CEMIP: variants seen among roughly 807,000 people sequenced by gnomAD.
CEMIP encodes the protein cell migration-inducing and hyaluronan-binding protein.
Under a neutral mutation model 156.9 loss-of-function variants are expected in CEMIP, and 105 were observed. That is an observed-to-expected ratio of 0.67 (90% CI 0.57 to 0.79). The LOEUF (loss-of-function observed/expected upper bound fraction) is 0.79. Among genes scored for constraint, CEMIP ranks in the 30% least tolerant of loss-of-function variants. The pLI is 0.00. For synonymous variants in CEMIP, 676 were observed against 668.4 expected, an observed-to-expected ratio of 1.01 and a Z score of -0.17; for missense variants, 1,457 against 1,769.4, an observed-to-expected ratio of 0.82 and a Z score of 3.17.
intron 12 of CEMIP, among the ~76,000 whole-genome samples, chr15:80,904,291 C>T (rs1217295846): frequency 6.6e-6 from 1 of 152,126 alleles, no homozygotes; most frequent in Non-Finnish European, 1.5e-5. Flanking sequence ...TTTGGGATCC[C>T]CAGGCAGGAG....
rs796334518 is a variant in CEMIP, at chr15:80,940,769, C to A, written c.3408-1080C>A. On this transcript the variant is annotated intron_variant, in intron 25 of 29. Coordinates refer to ENST00000394685, the MANE Select transcript of CEMIP (RefSeq NM_001293298.2). ...TCATGGGCTCAGGTGCTGACAGCAA[C>A]CAAGACAGCAGGGAGGAGGTAGCCT... Among the ~76,000 whole-genome samples, 40 of 152,296 alleles carry A rather than the reference C, an allele frequency of 2.6e-4. 1 individual carries two copies. Among genetic ancestry groups the A allele is most frequent in the African/African-American group, 9.6e-4 (40 of 41,558 alleles).
At chr15:80,854,642 C>T (rs1567070461) in intron 1 of CEMIP, among the ~76,000 whole-genome samples, 1 of 152,188 alleles carries the variant, frequency 6.6e-6, no homozygotes, top group African/African-American at 2.4e-5. Flanking sequence ...CGGGTGCTTT[C>T]CTAAGCATTT....
At chr15:80,915,495 C>T (rs928317719) in intron 14 of CEMIP, among the ~76,000 whole-genome samples, 3 of 152,176 alleles carry the variant, frequency 2.0e-5, no homozygotes, top group African/African-American at 7.2e-5. Flanking sequence ...ATATGAAACC[C>T]AGACTCTTGT....
rs528271393 is a variant in CEMIP, at chr15:80,806,715, A to G, written c.-176+27101A>G. Among the ~76,000 whole-genome samples, 160 of 152,344 alleles carry G rather than the reference A, an allele frequency of 1.1e-3. 1 individual carries two copies. Among genetic ancestry groups the G allele is most frequent in the African/African-American group, 3.8e-3 (158 of 41,586 alleles). Reference sequence around the variant, plus strand: ...CTAGATTATAAGCTCCAGAAGAAAAATAATCTCTAACCTTTGGAGTTATGC... The same window carrying G: ...CTAGATTATAAGCTCCAGAAGAAAAGTAATCTCTAACCTTTGGAGTTATGC... On this transcript the variant is annotated intron_variant, in intron 1 of 29. Coordinates refer to ENST00000394685, the MANE Select transcript of CEMIP (RefSeq NM_001293298.2).
chr15:80,834,040 G>T (rs919955203), intron 1 of CEMIP, among the ~76,000 whole-genome samples: 1 of 152,154 alleles, frequency 6.6e-6, no homozygotes, highest in Non-Finnish European at 1.5e-5. Flanking sequence ...GCATTGTAGG[G>T]TGTTTAGTGG....
At chr15:80,851,323 A>C (rs1897710195) in intron 1 of CEMIP, among the ~76,000 whole-genome samples, 1 of 152,236 alleles carries the variant, frequency 6.6e-6, no homozygotes, top group Admixed American at 6.5e-5. Context: ...GGTTCTTTTT[A>C]GAGTTAACGT....
chr15:80,897,514 C>T (rs1312314880), intron 12 of CEMIP, among the ~76,000 whole-genome samples: 15 of 152,066 alleles, frequency 9.9e-5, no homozygotes, highest in Admixed American at 8.5e-4. Context: ...AGAAGGCTTA[C>T]GTGTTTTGGA....
intron 1 of CEMIP, among the ~76,000 whole-genome samples, chr15:80,869,822 T>A (rs1036793723): frequency 2.6e-5 from 4 of 152,214 alleles, no homozygotes; most frequent in African/African-American, 9.6e-5. Context: ...AGTAGTATTA[T>A]TATTCCCATG....
At chr15:80,843,429 C>T (rs1897473940) in intron 1 of CEMIP, among the ~76,000 whole-genome samples, 1 of 152,242 alleles carries the variant, frequency 6.6e-6, no homozygotes, top group Non-Finnish European at 1.5e-5. Context: ...ACTGCGCACA[C>T]TGCCTCTGCT....
At chr15:80,853,734 C>T (rs924769067) in intron 1 of CEMIP, among the ~76,000 whole-genome samples, 3 of 152,158 alleles carry the variant, frequency 2.0e-5, no homozygotes, top group Non-Finnish European at 4.4e-5. Flanking sequence ...AACCCCACTT[C>T]CCAGACTTAA....
Position 80,937,797 on chromosome 15 carries a change from C to T in CEMIP, c.3225C>T (p.Gly1075=). ...CTGACTCTACTTCCAATCCTAGGGG[C>T]GACTGGATCCGAGTGGGGCTCTGCT... ...LAIWLINFNK[G]DWIRVGLCYP... Residue 1075 remains glycine, a synonymous_variant, in exon 25 of 30, where the codon GGC becomes GGT. Coordinates refer to ENST00000394685, the MANE Select transcript of CEMIP (RefSeq NM_001293298.2). 2 of 1,614,100 alleles carry T rather than the reference C, an allele frequency of 1.2e-6. No homozygotes were observed. Among genetic ancestry groups the T allele is most frequent in the African/African-American group, 1.3e-5 (1 of 75,058 alleles).
intron 5 of CEMIP, 40 bp downstream of exon 5, chr15:80,879,894 A>G (rs373638897): frequency 1.5e-5 from 24 of 1,612,344 alleles, no homozygotes; most frequent in Non-Finnish European, 1.9e-5. Context: ...CTACCCATGG[A>G]TCTGACAAGA....
At chr15:80,948,543 C>T (rs75686855) in intron 29 of CEMIP, 7 of 540,112 alleles carry the variant, frequency 1.3e-5, no homozygotes, top group Non-Finnish European at 1.7e-5. Context: ...GTGCATGGCT[C>T]CCCTGTCTAC....
In CEMIP at chr15:80,950,021, G is replaced by A. The variant is rs1041029911; in HGVS notation, c.*1097G>A. On this transcript the variant is annotated 3_prime_UTR_variant, in exon 30 of 30. Coordinates refer to ENST00000394685, the MANE Select transcript of CEMIP (RefSeq NM_001293298.2). ...GGCTTTGCTGCTTATGAGCACAGAG[G>A]AATTCAGTCCCCAGGCAGCCCTGCC... 6.6e-6 allele frequency: 1 copy of A among 152,020 alleles called. No homozygotes were observed. The highest frequency in any genetic ancestry group is 2.4e-5 in the African/African-American group (1 of 41,346). 9.4% of individuals were successfully genotyped at this position (152,020 alleles called of 1,614,324 possible).
rs1898634814 is a variant in CEMIP, at chr15:80,880,978, G to C, written c.459G>C (p.Leu153Phe). The change falls in exon 6 of 30, where the codon TTG becomes TTC. Residue 153 changes from leucine (L) to phenylalanine (F), a missense_variant. Coordinates refer to ENST00000394685, the MANE Select transcript of CEMIP (RefSeq NM_001293298.2). ...TTGGTAAAGGAGGCGCTCTTGAGTT[G>C]CATGGACAGAAAAAGCTCTCCTGGA... Reference protein sequence around the residue: ...IGVGKGGALELHGQKKLSWTF... With the variant: ...IGVGKGGALEFHGQKKLSWTF... 1.2e-6 allele frequency: 2 copies of C among 1,614,224 alleles called. No individual in the cohort carries two copies. Among genetic ancestry groups the C allele is most frequent in the Non-Finnish European group, 1.7e-6 (2 of 1,180,038 alleles).
At chr15:80,861,723 C>G (rs1273443764) in intron 1 of CEMIP, among the ~76,000 whole-genome samples, 1 of 152,222 alleles carries the variant, frequency 6.6e-6, no homozygotes, top group Non-Finnish European at 1.5e-5. Context: ...CCAGAAGAAA[C>G]GCCAAGCCAA....
intron 1 of CEMIP, among the ~76,000 whole-genome samples, chr15:80,865,356 A>AT (rs1898096860): frequency 6.6e-6 from 1 of 151,848 alleles, no homozygotes; most frequent in Non-Finnish European, 1.5e-5. Context: ...TAATGTTTGT[A>AT]TTTTTAGTAG....
intron 1 of CEMIP, among the ~76,000 whole-genome samples, chr15:80,795,267 C>G (rs1204493508): frequency 1.3e-5 from 2 of 151,994 alleles, no homozygotes; most frequent in African/African-American, 2.4e-5. Context: ...AAAGGGATCC[C>G]TCTGGCTGCT....
At chr15:80,912,007 T>G (rs1399181372) in intron 14 of CEMIP, among the ~76,000 whole-genome samples, 30 of 60,536 alleles carry the variant, frequency 5.0e-4, no homozygotes, top group African/African-American at 9.5e-4. Flanking sequence ...GGAGAGGCTG[T>G]GATTGCTGGG....
Sources: allele counts gnomAD v4.1 joint callset (sites outside exome capture counted in the v4.1 genomes callset), GRCh38; gene constraint gnomAD v4.1.1; transcripts MANE v1.5; gene names NCBI Gene and HGNC (gene_info 2026-07-23, HGNC 2026-07-21).